Variants in RUNX1 observed in about 807,000 individuals in gnomAD.
The protein encoded by RUNX1 is RUNX family transcription factor 1.
A neutral mutation model predicts 42.8 loss-of-function variants in RUNX1; 19 were observed. The observed-to-expected ratio is 0.44, with a 90% CI of 0.31 to 0.65. The LOEUF (loss-of-function observed/expected upper bound fraction) is 0.65. Among genes scored for constraint, RUNX1 ranks in the 30% least tolerant of loss-of-function variants. The pLI, the probability that RUNX1 is intolerant of heterozygous loss-of-function variation, is 0.07. For missense variants in RUNX1, 528 were observed against 672.0 expected (o/e 0.79, Z 2.37); for synonymous variants, 271 against 289.4 (o/e 0.94, Z 0.64).
rs113289801 is a variant in RUNX1 at position 34,892,081 on chromosome 21, C to T, written c.97+844G>A. 6.6e-3 allele frequency among the ~76,000 whole-genome samples: 1,004 copies of T among 152,240 alleles called. 12 individuals carry two copies. Among genetic ancestry groups the T allele is most frequent in the African/African-American group, 0.022 (928 of 41,542 alleles). On this transcript the variant is annotated intron_variant, in intron 3 of 8. Transcript: ENST00000675419. ...TTACCCTTTGCGAGCAATATATTTCCAAAATCACATTTGTAAAAATGCAGT... is the reference window on the plus strand; with the variant it reads ...TTACCCTTTGCGAGCAATATATTTCTAAAATCACATTTGTAAAAATGCAGT...
At chr21:34,973,698 C>T (rs1033772338) in intron 2 of RUNX1, among the ~76,000 whole-genome samples, 2 of 152,172 alleles carry the variant, frequency 1.3e-5, no homozygotes, top group African/African-American at 4.8e-5. Context: ...AGTTTGGAGA[C>T]ACTTTATATT....
At chr21:34,832,630 G>A (rs952044964) in intron 7 of RUNX1, among the ~76,000 whole-genome samples, 35 of 152,278 alleles carry the variant, frequency 2.3e-4, no homozygotes, top group Middle Eastern at 3.4e-3. Context: ...TTAAAGGCAA[G>A]ATGAAAGAAT....
intron 2 of RUNX1, among the ~76,000 whole-genome samples, chr21:34,998,902 G>A (rs1280574521): frequency 6.6e-6 from 1 of 152,206 alleles, no homozygotes. Context: ...ATCCACCCAT[G>A]AAGTACAGTT....
chr21:34,962,057 T>C (rs2058685584), intron 2 of RUNX1, among the ~76,000 whole-genome samples: 1 of 152,082 alleles, frequency 6.6e-6, no homozygotes, highest in Non-Finnish European at 1.5e-5. Context: ...CTTGCCTGAT[T>C]AATTTTTGAA....
At chr21:34,905,110 C>T (rs1290820634) in intron 2 of RUNX1, among the ~76,000 whole-genome samples, 1 of 152,212 alleles carries the variant, frequency 6.6e-6, no homozygotes, top group Non-Finnish European at 1.5e-5. Context: ...AGTGCCCAGA[C>T]ACCGTGCACA....
chr21:34,808,961 G>A (rs1330973268), intron 7 of RUNX1, among the ~76,000 whole-genome samples: 3 of 152,170 alleles, frequency 2.0e-5, no homozygotes, highest in Non-Finnish European at 4.4e-5. Flanking sequence ...AGGGACCATA[G>A]TTCAGAGGGA....
chr21:34,937,584 T>C (rs980887023), intron 2 of RUNX1, among the ~76,000 whole-genome samples: 1 of 152,082 alleles, frequency 6.6e-6, no homozygotes, highest in Non-Finnish European at 1.5e-5. Flanking sequence ...AGGAATAGTT[T>C]CTTTCCATTG....
At chr21:34,834,097 C>A in intron 7 of RUNX1, 1 of 578,882 alleles carries the variant, frequency 1.7e-6, no homozygotes, top group South Asian at 1.7e-5. Context: ...AAAGCTAACT[C>A]TTAAAAAATT....
intron 6 of RUNX1, among the ~76,000 whole-genome samples, chr21:34,850,014 G>C (rs536109823): frequency 6.7e-6 from 1 of 149,142 alleles, no homozygotes; most frequent in African/African-American, 2.4e-5. Context: ...CTAGTTACAT[G>C]GCTTACAGGA....
At chr21:35,034,198 T>C (rs1334834055) in intron 2 of RUNX1, among the ~76,000 whole-genome samples, 1 of 152,216 alleles carries the variant, frequency 6.6e-6, no homozygotes, top group Non-Finnish European at 1.5e-5. Flanking sequence ...CATCAATCTG[T>C]AAAATTAGGG....
At chr21:35,048,519 G>A (rs1249058391) in intron 2 of RUNX1, among the ~76,000 whole-genome samples, 1 of 152,202 alleles carries the variant, frequency 6.6e-6, no homozygotes, top group African/African-American at 2.4e-5. Flanking sequence ...AAAACCCAGG[G>A]AGCTTCGTGC....
At chr21:34,988,975 G>A (rs1156322250) in intron 2 of RUNX1, among the ~76,000 whole-genome samples, 1 of 151,532 alleles carries the variant, frequency 6.6e-6, no homozygotes, top group Non-Finnish European at 1.5e-5. Context: ...TCCAGAACAT[G>A]TGCCTTTGGC....
chr21:35,035,233 C>T (rs73203055), intron 2 of RUNX1, among the ~76,000 whole-genome samples: 1 of 152,178 alleles, frequency 6.6e-6, no homozygotes, highest in Non-Finnish European at 1.5e-5. Context: ...GGGTAATCAT[C>T]ATCGTCACAC....
rs1465328672 is a variant in RUNX1, at chr21:34,878,354, A to AT, written c.508+2202_508+2203insA. On this transcript the variant is annotated intron_variant, in intron 5 of 8. Coordinates refer to ENST00000675419, the MANE Select transcript of RUNX1 (RefSeq NM_001754.5). ...TTTTGTAGCGCTGACTAAAAAAAAA[A>AT]AAAAAAATATATATATATATATACA... Among the ~76,000 whole-genome samples the AT allele has an allele frequency of 2.3e-3, 335 of 148,022 alleles. 4 individuals carry two copies. The highest frequency in any genetic ancestry group is 7.9e-3 in the African/African-American group (312 of 39,708).
At chr21:34,932,801 A>T (rs1280573543) in intron 2 of RUNX1, among the ~76,000 whole-genome samples, 1 of 152,084 alleles carries the variant, frequency 6.6e-6, no homozygotes, top group Non-Finnish European at 1.5e-5. Context: ...TTCTGATCTC[A>T]TGTTAACCAA....
At chr21:34,888,260 G>C (rs2058026856) in intron 3 of RUNX1, 2 of 1,067,198 alleles carry the variant, frequency 1.9e-6, no homozygotes, top group Non-Finnish European at 1.1e-6. Context: ...CAGGTGGAGC[G>C]GGCCTTGAGG....
intron 3 of RUNX1, chr21:34,888,614 G>C (rs1200841855): frequency 1.9e-6 from 2 of 1,056,358 alleles, no homozygotes; most frequent in African/African-American, 3.3e-5. Context: ...GCCTGGCGGC[G>C]CAGGGCCGGG....
intron 3 of RUNX1, 149 bp from the exon 4 acceptor site, chr21:34,887,245 G>GGGGGGGGGGGGA: frequency 1.4e-6 from 1 of 732,712 alleles, no homozygotes; most frequent in Non-Finnish European, 2.0e-6. Flanking sequence ...CGGGGGGTGG[G>GGGGGGGGGGGGA]GGGGGGCGGG....
At chr21:34,861,645 C>A (rs1018419273) in intron 5 of RUNX1, among the ~76,000 whole-genome samples, 1 of 152,184 alleles carries the variant, frequency 6.6e-6, no homozygotes, top group East Asian at 1.9e-4. Flanking sequence ...GTGCACCCTC[C>A]GAGTTCTACC....
Sources: allele counts gnomAD v4.1 joint callset (sites outside exome capture counted in the v4.1 genomes callset), GRCh38; gene constraint gnomAD v4.1.1; transcripts MANE v1.5; gene names NCBI Gene and HGNC (gene_info 2026-07-23, HGNC 2026-07-21).